The following ATP13A4 variants were observed in gnomAD, a reference collection of about 807,000 sequenced individuals.
The protein encoded by ATP13A4 is ATPase 13A4.
ATP13A4 carries 114 observed loss-of-function variants against 142.5 expected under a neutral mutation model. The ratio of observed to expected loss-of-function variants is 0.80; its 90% CI spans 0.69 to 0.93. ATP13A4 has a LOEUF of 0.93. Ranked by LOEUF, ATP13A4 falls within the 40% of genes least tolerant of loss-of-function variation. The pLI is 0.00. For missense variants in ATP13A4, 1,392 were observed against 1,454.0 expected (o/e 0.96, Z 0.69); for synonymous variants, 488 against 514.8 (o/e 0.95, Z 0.70).
At chr3:193,442,984 C>G (rs1442523736) in intron 18 of ATP13A4, among the ~76,000 whole-genome samples, 1 of 152,124 alleles carries the variant, frequency 6.6e-6, no homozygotes, top group African/African-American at 2.4e-5. Flanking sequence ...AGCAACTCCC[C>G]AAGGACTTTG....
At chr3:193,448,717 G>A (rs576776480) in intron 17 of ATP13A4, among the ~76,000 whole-genome samples, 1 of 152,260 alleles carries the variant, frequency 6.6e-6, no homozygotes. Context: ...TTCAAGCACT[G>A]TTAGGGGCTG....
chr3:193,592,623 T>C (rs1724858608), intron 1 of ATP13A4, among the ~76,000 whole-genome samples: 1 of 152,210 alleles, frequency 6.6e-6, no homozygotes, highest in Non-Finnish European at 1.5e-5. Flanking sequence ...ACAAATCATT[T>C]TGACGCCTTT....
At chr3:193,527,018 C>T (rs1210636225) in intron 1 of ATP13A4, among the ~76,000 whole-genome samples, 4 of 152,206 alleles carry the variant, frequency 2.6e-5, no homozygotes, top group African/African-American at 9.6e-5. Context: ...GCTTGTTGGT[C>T]ATATGAGTCC....
intron 29 of ATP13A4, among the ~76,000 whole-genome samples, chr3:193,404,509 G>A (rs1293307017): frequency 1.3e-5 from 2 of 152,186 alleles, no homozygotes. Context: ...GGAAGGGCTG[G>A]ATGGGAGGTG....
intron 25 of ATP13A4, among the ~76,000 whole-genome samples, chr3:193,422,098 A>G (rs1388430575): frequency 6.7e-6 from 1 of 149,158 alleles, no homozygotes; most frequent in African/African-American, 2.4e-5. Flanking sequence ...AAAGAGATAG[A>G]AGAAGATATT....
intron 2 of ATP13A4, among the ~76,000 whole-genome samples, chr3:193,510,284 A>T (rs1390268614): frequency 6.6e-6 from 1 of 152,168 alleles, no homozygotes; most frequent in Non-Finnish European, 1.5e-5. Flanking sequence ...CCTAGCCCTG[A>T]CATCTTTAAT....
intron 3 of ATP13A4, among the ~76,000 whole-genome samples, chr3:193,501,781 A>T (rs1577028031): frequency 6.6e-6 from 1 of 152,164 alleles, no homozygotes; most frequent in African/African-American, 2.4e-5. Context: ...AACTAGTCAT[A>T]ATCCAAGCAG....
chr3:193,463,525 G>A (rs778067425), intron 12 of ATP13A4, among the ~76,000 whole-genome samples: 2 of 151,382 alleles, frequency 1.3e-5, no homozygotes, highest in Non-Finnish European at 2.9e-5. Context: ...TGTGACCAGA[G>A]CAAATTAATC....
chr3:193,561,617 G>C (rs891825579), intron 2 of ATP13A4, among the ~76,000 whole-genome samples: 6 of 152,118 alleles, frequency 3.9e-5, no homozygotes, highest in African/African-American at 1.4e-4. Context: ...AATGGAAAAA[G>C]GAAAGTAATA....
chr3:193,579,955 T>C (rs1724497994), intron 2 of ATP13A4, among the ~76,000 whole-genome samples: 1 of 152,204 alleles, frequency 6.6e-6, no homozygotes, highest in African/African-American at 2.4e-5. Flanking sequence ...TAAAATGGCA[T>C]TGAACCTCAA....
intron 8 of ATP13A4, among the ~76,000 whole-genome samples, chr3:193,483,483 G>T (rs1577010586): frequency 6.6e-6 from 1 of 152,210 alleles, no homozygotes. Context: ...TTTTGTTTTT[G>T]AGATGGAGTC....
chr3:193,414,443 G>A (rs1714943695), intron 26 of ATP13A4, 136 bp downstream of exon 26: 2 of 855,582 alleles, frequency 2.3e-6, no homozygotes, highest in Admixed American at 2.1e-5. Flanking sequence ...AATAATCACT[G>A]AAAATTTGCC....
chr3:193,427,908 A>C (rs543623384), intron 25 of ATP13A4, among the ~76,000 whole-genome samples: 90 of 152,364 alleles, frequency 5.9e-4, no homozygotes, highest in Non-Finnish European at 1.1e-3. Context: ...AAACAACAAA[A>C]GCAATGGCAA....
At chr3:193,440,435 T>C in intron 21 of ATP13A4, 123 bp downstream of exon 21, 1 of 1,530,606 alleles carries the variant, frequency 6.5e-7, no homozygotes, top group Non-Finnish European at 8.8e-7. Flanking sequence ...AGTGATTATC[T>C]CATGCAGCCG....
intron 23 of ATP13A4, among the ~76,000 whole-genome samples, chr3:193,436,821 G>A (rs754193417): frequency 7.2e-6 from 1 of 139,828 alleles, no homozygotes; most frequent in Non-Finnish European, 1.5e-5. Context: ...CCTGATCCCC[G>A]GGGCCGGGCG....
At chr3:193,443,698 T>C (rs1716786636) in intron 18 of ATP13A4, among the ~76,000 whole-genome samples, 1 of 152,232 alleles carries the variant, frequency 6.6e-6, no homozygotes, top group African/African-American at 2.4e-5. Flanking sequence ...CAATGGTTTT[T>C]AAAGCAGCTA....
intron 1 of ATP13A4, among the ~76,000 whole-genome samples, chr3:193,554,089 C>T (rs897073778): frequency 6.6e-6 from 1 of 152,228 alleles, no homozygotes; most frequent in Non-Finnish European, 1.5e-5. Context: ...TGAAAGTCAT[C>T]TTTGATTTTC....
chr3:193,443,761 G>C (rs1281307746), intron 18 of ATP13A4, among the ~76,000 whole-genome samples: 1 of 152,110 alleles, frequency 6.6e-6, no homozygotes, highest in Non-Finnish European at 1.5e-5. Context: ...TAAGTGGAAA[G>C]ACGGAAGTTC....
intron 12 of ATP13A4, among the ~76,000 whole-genome samples, chr3:193,463,069 CA>C (rs1247379503): frequency 6.6e-6 from 1 of 151,830 alleles, no homozygotes; most frequent in Non-Finnish European, 1.5e-5. Context: ...AAATACTTCA[CA>C]AACATATTAA....
Sources: allele counts gnomAD v4.1 joint callset (sites outside exome capture counted in the v4.1 genomes callset), GRCh38; gene constraint gnomAD v4.1.1; transcripts MANE v1.5; gene names NCBI Gene and HGNC (gene_info 2026-07-23, HGNC 2026-07-21).